RB1: variants seen among roughly 807,000 people sequenced by gnomAD.
RB1 encodes retinoblastoma-associated protein.
A neutral mutation model predicts 135.4 loss-of-function variants in RB1; 18 were observed. The observed-to-expected ratio is 0.13, with a 90% CI of 0.09 to 0.20. The LOEUF (loss-of-function observed/expected upper bound fraction) is 0.20, where lower values mean the gene tolerates loss of function less well. Ranked by LOEUF, RB1 falls within the 10% of genes least tolerant of loss-of-function variation. RB1 has a pLI of 1.00. For missense variants in RB1, 868 were observed against 1,110.0 expected (o/e 0.78, Z 3.10); for synonymous variants, 365 against 373.2 (o/e 0.98, Z 0.25).
chr13:48,413,242 A>AAT (rs1428113698), intron 17 of RB1: 1 of 167,112 alleles, frequency 6.0e-6, no homozygotes, highest in African/African-American at 2.4e-5. Flanking sequence ...GTCTGCTGGG[A>AAT]ATATACCTAG....
At chr13:48,430,067 A>T (rs944101780) in intron 17 of RB1, among the ~76,000 whole-genome samples, 1 of 152,188 alleles carries the variant, frequency 6.6e-6, no homozygotes, top group African/African-American at 2.4e-5. Context: ...TAGCAGTTTC[A>T]TTTCTAAGAA....
At chr13:48,356,327 G>C (rs553791099) in intron 6 of RB1, among the ~76,000 whole-genome samples, 1 of 152,006 alleles carries the variant, frequency 6.6e-6, no homozygotes, top group African/African-American at 2.4e-5. Flanking sequence ...TCATATTACA[G>C]TGCTACCTTT....
At chr13:48,325,961 T>G (rs763732841) in intron 2 of RB1, among the ~76,000 whole-genome samples, 2 of 152,152 alleles carry the variant, frequency 1.3e-5, no homozygotes, top group Non-Finnish European at 2.9e-5. Context: ...AATCTCACTT[T>G]ACCAAAGAGG....
intron 17 of RB1, among the ~76,000 whole-genome samples, chr13:48,400,105 G>A (rs927123152): frequency 6.6e-6 from 1 of 152,096 alleles, no homozygotes; most frequent in Non-Finnish European, 1.5e-5. Flanking sequence ...AGTTTAGGAA[G>A]TAGTGCTCAT....
chr13:48,333,073 A>C (rs538067010), intron 2 of RB1: 29 of 398,402 alleles, frequency 7.3e-5, no homozygotes, highest in Admixed American at 6.2e-4. Flanking sequence ...GAAACTGTGG[A>C]AAGTGAAACC....
At chr13:48,432,234 T>TA (rs945813095) in intron 17 of RB1, among the ~76,000 whole-genome samples, 1 of 152,068 alleles carries the variant, frequency 6.6e-6, no homozygotes, top group African/African-American at 2.4e-5. Flanking sequence ...TCAACATCTT[T>TA]AAAAGGCCTT....
At chr13:48,304,072 G>C (rs2138028243) in intron 1 of RB1, 23 bp downstream of exon 1, 1 of 1,400,442 alleles carries the variant, frequency 7.1e-7, no homozygotes, top group East Asian at 3.0e-5. Flanking sequence ...AGCCGCCGTC[G>C]CCTCACGCGG....
chr13:48,311,227 A>G (rs1265764934), intron 2 of RB1, among the ~76,000 whole-genome samples: 2 of 152,236 alleles, frequency 1.3e-5, no homozygotes, highest in Non-Finnish European at 2.9e-5. Context: ...ATATATGTAT[A>G]TGAAATGTAT....
intron 19 of RB1, among the ~76,000 whole-genome samples, chr13:48,457,807 C>G (rs1256220652): frequency 1.3e-5 from 2 of 152,252 alleles, no homozygotes; most frequent in Admixed American, 6.5e-5. Flanking sequence ...CAGGCTCAGC[C>G]CTGACTTTGC....
chr13:48,404,830 T>C (rs1379128039), intron 17 of RB1, among the ~76,000 whole-genome samples: 3 of 151,600 alleles, frequency 2.0e-5, no homozygotes, highest in South Asian at 2.1e-4. Context: ...CAGCAAAAAA[T>C]TCAGAATTCT....
At chr13:48,362,431 A>G (rs1952652162) in intron 7 of RB1, among the ~76,000 whole-genome samples, 1 of 152,060 alleles carries the variant, frequency 6.6e-6, no homozygotes, top group African/African-American at 2.4e-5. Context: ...TTTTTATGCT[A>G]TGTCTAGAAA....
intron 11 of RB1, among the ~76,000 whole-genome samples, chr13:48,372,489 C>T (rs1224242432): frequency 1.3e-5 from 2 of 152,118 alleles, no homozygotes; most frequent in African/African-American, 4.8e-5. Context: ...AAAACCCCGT[C>T]TCTACTAAAA....
chr13:48,317,497 A>G (rs542458449), intron 2 of RB1: 21 of 456,616 alleles, frequency 4.6e-5, no homozygotes, highest in South Asian at 4.5e-4. Flanking sequence ...CCCGCAGCCC[A>G]TGTGAAAGCT....
chr13:48,337,327 G>T (rs570264320), intron 2 of RB1, among the ~76,000 whole-genome samples: 1 of 152,226 alleles, frequency 6.6e-6, no homozygotes, highest in South Asian at 2.1e-4. Context: ...TCTCTTTGTA[G>T]GTCTCTAAGG....
rs1173330253 is a variant in RB1 at position 48,303,951 on chromosome 13, C to CGCCGCT, written c.45_50dup (p.Ala17_Ala18dup). 2.0e-6 allele frequency: 3 copies of CGCCGCT among 1,503,262 alleles called. No individual in the cohort carries two copies. The highest frequency in any genetic ancestry group is 5.3e-5 in the East Asian group (2 of 37,584). 93.1% of individuals were successfully genotyped at this position (1,503,262 alleles called of 1,614,324 possible). ...CCCCCCGAAAAACGGCCGCCACCGC[C>CGCCGCT]GCCGCTGCCGCCGCGGAACCCCCGG... On this transcript the variant is annotated inframe_insertion, in exon 1 of 27. Coordinates refer to ENST00000267163, the MANE Select transcript of RB1 (RefSeq NM_000321.3).
chr13:48,304,202 C>T (rs1245688641), intron 1 of RB1, among the ~76,000 whole-genome samples, 153 bp downstream of exon 1: 3 of 152,024 alleles, frequency 2.0e-5, no homozygotes, highest in Non-Finnish European at 4.4e-5. Flanking sequence ...CACGGCGGAG[C>T]GTCTGCAGAA....
At chr13:48,458,046 G>C (rs1949372332) in intron 19 of RB1, among the ~76,000 whole-genome samples, 1 of 152,170 alleles carries the variant, frequency 6.6e-6, no homozygotes, top group African/African-American at 2.4e-5. Context: ...GGTCCGCAGC[G>C]GTGGCTTGGG....
intron 17 of RB1, among the ~76,000 whole-genome samples, chr13:48,442,777 G>A (rs1350166424): frequency 6.6e-6 from 1 of 151,968 alleles, no homozygotes; most frequent in Non-Finnish European, 1.5e-5. Context: ...TAGAAATCTT[G>A]GCTAATTTTG....
chr13:48,320,498 C>A, intron 2 of RB1: 1 of 660,482 alleles, frequency 1.5e-6, no homozygotes. Context: ...GAGGGACGCG[C>A]AGAGGGACGA....
Sources: gnomAD v4.1 joint callset for allele counts (sites outside exome capture counted in the v4.1 genomes callset) on GRCh38, gnomAD v4.1.1 for gene constraint, MANE v1.5 for transcripts, NCBI Gene and HGNC (gene_info 2026-07-23, HGNC 2026-07-21) for gene names.